Variants in ADCY9 observed in about 807,000 individuals in gnomAD.
The protein encoded by ADCY9 is adenylate cyclase 9.
A neutral mutation model predicts 101.5 loss-of-function variants in ADCY9; 50 were observed. That is an observed-to-expected ratio of 0.49 (90% CI 0.39 to 0.62). The LOEUF is 0.62. ADCY9 is among the 20% of genes least tolerant of loss of function. The pLI is 0.00. For missense variants in ADCY9, 1,662 were observed against 1,800.4 expected (o/e 0.92, Z 1.39); for synonymous variants, 905 against 769.3 (o/e 1.18, Z -2.92).
At chr16:4,081,761 TGGGTGGGGGGAGGGTGCTGTGTCTGCAGG>T (rs2056904110) in intron 2 of ADCY9, among the ~76,000 whole-genome samples, 1 of 24,420 alleles carries the variant, frequency 4.1e-5, no homozygotes, top group Non-Finnish European at 8.4e-5. Flanking sequence ...GGTGTAACGG[TGGGTGGGGGGAGGGTGCTGTGTCTGCAGG>T]GGCGTGTGGG....
At chr16:3,969,259 CTTTTTT>C (rs2056026304) in intron 10 of ADCY9, among the ~76,000 whole-genome samples, 1 of 151,148 alleles carries the variant, frequency 6.6e-6, no homozygotes, top group South Asian at 2.1e-4. Context: ...TTTCTTTTTT[CTTTTTT>C]GAGACAGAGT....
intron 8 of ADCY9, among the ~76,000 whole-genome samples, chr16:3,978,379 G>A (rs919720338): frequency 1.3e-5 from 2 of 152,190 alleles, no homozygotes; most frequent in Non-Finnish European, 2.9e-5. Context: ...CATCTCCCAC[G>A]GCCGTGCTGG....
At chr16:4,052,034 A>C (rs1305306705) in intron 2 of ADCY9, among the ~76,000 whole-genome samples, 1 of 152,188 alleles carries the variant, frequency 6.6e-6, no homozygotes, top group African/African-American at 2.4e-5. Context: ...ACTTCTCCAG[A>C]AATGGGACTG....
In ADCY9 at chr16:4,114,885, C is replaced by A; in HGVS notation, c.558G>T (p.Leu186=). The A allele has an allele frequency of 2.5e-6, 4 of 1,613,764 alleles. No homozygotes were observed. The highest frequency in any genetic ancestry group is 3.4e-6 in the Non-Finnish European group (4 of 1,180,034). Residue 186 remains leucine, a synonymous_variant, in exon 2 of 11, where the codon CTG becomes CTT. Transcript: ENST00000294016. The surrounding 1 kb of genome is among the most constrained non-coding windows in gnomAD (Gnocchi z 4.3). ...AGACCTGGAACTGCGCAGCCAGGGT[C>A]AGGGCGAACACCAGCAGGGTGAGAG... ...SLALTLLVFA[L]TLAAQFQVLT...
At chr16:3,989,813 G>C (rs558177836) in intron 5 of ADCY9, among the ~76,000 whole-genome samples, 3 of 152,206 alleles carry the variant, frequency 2.0e-5, no homozygotes, top group Non-Finnish European at 4.4e-5. Flanking sequence ...GGCTTCAAAC[G>C]AAAACATAAT....
At chr16:4,087,914 G>A (rs539843159) in intron 2 of ADCY9, among the ~76,000 whole-genome samples, 11 of 134,904 alleles carry the variant, frequency 8.2e-5, no homozygotes, top group Non-Finnish European at 1.6e-4. Flanking sequence ...CCTTTCTTTC[G>A]TTTCTTTCTT....
At chr16:4,019,188 C>T (rs2056458869) in intron 2 of ADCY9, among the ~76,000 whole-genome samples, 1 of 152,044 alleles carries the variant, frequency 6.6e-6, no homozygotes, top group Non-Finnish European at 1.5e-5. Context: ...CACTATGTTG[C>T]CCAGGCTGGG....
intron 2 of ADCY9, among the ~76,000 whole-genome samples, chr16:4,059,603 A>G (rs2141159055): frequency 6.6e-6 from 1 of 152,230 alleles, no homozygotes; most frequent in African/African-American, 2.4e-5. Flanking sequence ...TGTTTATTCA[A>G]GAAAAACTAC....
chr16:3,973,178 G>A (rs1597136564), intron 10 of ADCY9, among the ~76,000 whole-genome samples: 1 of 151,992 alleles, frequency 6.6e-6, no homozygotes, highest in East Asian at 1.9e-4. Context: ...ATTTATTATT[G>A]ACAACTACAG....
At position 3,992,491 on chromosome 16, in the gene ADCY9, G is replaced by T. The variant is rs1166829290; in HGVS notation, c.1990-128C>A. 3.7e-6 allele frequency: 3 copies of T among 812,820 alleles called. No individual in the cohort carries two copies. The highest frequency in any genetic ancestry group is 5.8e-6 in the Non-Finnish European group (3 of 521,666). The allele number at this position is 812,820 out of a possible 1,614,324, so 50.4% of individuals were successfully genotyped here. A position where few individuals can be genotyped will look rare whatever the true frequency, so the allele number is the denominator to read the frequency against. ...CACTGGGCGTGGGACTTTCTGACCT[G>T]CGAGGAACCCCCACCCCCCTGCGCC... On this transcript the variant is annotated intron_variant, in intron 4 of 10. Coordinates refer to ENST00000294016, the MANE Select transcript of ADCY9 (RefSeq NM_001116.4). This position sits in a 1 kb window ranked among gnomAD's most constrained non-coding sequence, Gnocchi z 4.2.
intron 2 of ADCY9, among the ~76,000 whole-genome samples, chr16:4,098,601 G>A (rs888627112): frequency 5.3e-5 from 8 of 152,242 alleles, no homozygotes; most frequent in Admixed American, 5.2e-4. Context: ...TATATGCCTG[G>A]CTATATTCCC....
At chr16:3,972,702 G>A (rs7185966) in intron 10 of ADCY9, among the ~76,000 whole-genome samples, 39,774 of 152,068 alleles carry the variant, frequency 0.26, 5,510 homozygotes, top group South Asian at 0.43. Context: ...ACGTGGCTTC[G>A]GTTGACACTT....
intron 2 of ADCY9, among the ~76,000 whole-genome samples, chr16:4,077,365 T>G (rs1448194728): frequency 6.6e-6 from 1 of 152,008 alleles, no homozygotes; most frequent in Non-Finnish European, 1.5e-5. Context: ...TGTAGAGAGA[T>G]CAAACACACC....
At chr16:4,065,820 C>T (rs1463864124) in intron 2 of ADCY9, among the ~76,000 whole-genome samples, 9 of 151,520 alleles carry the variant, frequency 5.9e-5, no homozygotes, top group Non-Finnish European at 1.2e-4. Context: ...CTGCCCGCCT[C>T]GGCCTCCCAA....
downstream of ADCY9, among the ~76,000 whole-genome samples, chr16:3,961,207 G>C (rs1213055783): frequency 1.3e-5 from 2 of 152,150 alleles, no homozygotes; most frequent in Non-Finnish European, 2.9e-5. Context: ...CAGCACTTTG[G>C]GAGGCTGAGG....
chr16:4,026,299 CTGTAG>C (rs941419779), intron 2 of ADCY9, among the ~76,000 whole-genome samples: 6 of 152,066 alleles, frequency 3.9e-5, no homozygotes, highest in African/African-American at 7.2e-5. Context: ...GTGGCGTCAC[CTGTAG>C]TCCCAGCTAC....
intron 2 of ADCY9, among the ~76,000 whole-genome samples, chr16:4,027,832 A>G (rs2056527863): frequency 6.6e-6 from 1 of 151,592 alleles, no homozygotes; most frequent in Non-Finnish European, 1.5e-5. Context: ...AGCCAAGATC[A>G]TGCCATTGCA....
chr16:4,089,047 T>C (rs889035034), intron 2 of ADCY9, among the ~76,000 whole-genome samples: 4 of 152,060 alleles, frequency 2.6e-5, no homozygotes, highest in African/African-American at 9.7e-5. Context: ...CCTGTAGTTC[T>C]AGAGTTCCTA....
chr16:4,088,684 C>A (rs993435320), intron 2 of ADCY9, among the ~76,000 whole-genome samples: 1 of 152,138 alleles, frequency 6.6e-6, no homozygotes, highest in African/African-American at 2.4e-5. Flanking sequence ...CCGTCCACCT[C>A]ATCCCTCTCC....
Sources: gnomAD v4.1 joint callset for allele counts (sites outside exome capture counted in the v4.1 genomes callset) on GRCh38, gnomAD v4.1.1 for gene constraint, Gnocchi (gnomAD v3.1) non-coding constraint, MANE v1.5 for transcripts, NCBI Gene and HGNC (gene_info 2026-07-23, HGNC 2026-07-21) for gene names.